Variants in ST8SIA1 observed in about 807,000 individuals in gnomAD.
ST8SIA1 encodes alpha-N-acetylneuraminide alpha-2,8-sialyltransferase.
Under a neutral mutation model 35.9 loss-of-function variants are expected in ST8SIA1, and 16 were observed. The observed-to-expected ratio is 0.45, with a 90% CI of 0.30 to 0.68. The LOEUF (loss-of-function observed/expected upper bound fraction) is 0.68. Ranked by LOEUF, ST8SIA1 falls within the 30% of genes least tolerant of loss-of-function variation. The probability of loss-of-function intolerance (pLI) is 0.09; values close to 1 mark genes in which losing one functional copy is unlikely to be tolerated. For missense variants in ST8SIA1, 383 were observed against 453.6 expected, an observed-to-expected ratio of 0.84 and a Z score of 1.41; for synonymous variants, 170 against 169.6, an observed-to-expected ratio of 1.00 and a Z score of -0.02.
intron 1 of ST8SIA1, among the ~76,000 whole-genome samples, chr12:22,310,852 A>C (rs2287169): frequency 0.61 from 92,337 of 151,936 alleles, 29,220 homozygotes; most frequent in African/African-American, 0.78. Flanking sequence ...CACAAGCTGA[A>C]CAGAAGAGCT....
At chr12:22,215,392 A>G (rs926133826) in intron 4 of ST8SIA1, among the ~76,000 whole-genome samples, 7 of 152,222 alleles carry the variant, frequency 4.6e-5, no homozygotes, top group African/African-American at 1.7e-4. Context: ...GTAGCAATGA[A>G]CAATGCTAAC....
intron 4 of ST8SIA1, among the ~76,000 whole-genome samples, chr12:22,245,221 T>C (rs1865586340): frequency 6.6e-6 from 1 of 152,214 alleles, no homozygotes. Context: ...TAGATTTGGG[T>C]AGACCTGGTG....
intron 2 of ST8SIA1, among the ~76,000 whole-genome samples, chr12:22,272,159 C>A (rs187855077): frequency 6.6e-6 from 1 of 152,224 alleles, no homozygotes; most frequent in African/African-American, 2.4e-5. Flanking sequence ...CTTAAGTGAA[C>A]GTTTTAAGTG....
At chr12:22,316,073 G>A (rs994593192) in intron 1 of ST8SIA1, among the ~76,000 whole-genome samples, 1 of 151,974 alleles carries the variant, frequency 6.6e-6, no homozygotes, top group Non-Finnish European at 1.5e-5. Context: ...AAATATACAA[G>A]TAAATATTCT....
chr12:22,222,929 T>G (rs957895567), intron 4 of ST8SIA1, among the ~76,000 whole-genome samples: 2 of 152,264 alleles, frequency 1.3e-5, no homozygotes, highest in African/African-American at 2.4e-5. Context: ...AACTCATGCC[T>G]GATGTGAAAG....
intron 4 of ST8SIA1, among the ~76,000 whole-genome samples, chr12:22,239,989 G>A (rs1346275599): frequency 6.6e-6 from 1 of 152,014 alleles, no homozygotes; most frequent in Non-Finnish European, 1.5e-5. Flanking sequence ...TGTGGGGAAG[G>A]TGGGCATGCA....
chr12:22,325,643 T>C (rs1866665789), intron 1 of ST8SIA1: 2 of 613,782 alleles, frequency 3.3e-6, no homozygotes. Context: ...CCAGTGGATG[T>C]CTGAAACTTC....
intron 1 of ST8SIA1, among the ~76,000 whole-genome samples, chr12:22,292,054 C>T (rs1866183159): frequency 6.6e-6 from 1 of 151,796 alleles, no homozygotes; most frequent in Non-Finnish European, 1.5e-5. Context: ...AAACATTAGA[C>T]AAAATAACTT....
At chr12:22,280,650 C>T (rs549836611) in intron 2 of ST8SIA1, among the ~76,000 whole-genome samples, 1 of 152,290 alleles carries the variant, frequency 6.6e-6, no homozygotes, top group African/African-American at 2.4e-5. Flanking sequence ...AAAGAAAGGT[C>T]TTAATTTTCA....
At chr12:22,285,877 C>A (rs61469808) in intron 2 of ST8SIA1, among the ~76,000 whole-genome samples, 40,342 of 101,060 alleles carry the variant, frequency 0.4, 5,699 homozygotes, top group Middle Eastern at 0.46. Context: ...CTGTCAAAAA[C>A]AAAAAAAAAA....
chr12:22,210,503 C>A, intron 4 of ST8SIA1, among the ~76,000 whole-genome samples: 1 of 152,140 alleles, frequency 6.6e-6, no homozygotes, highest in East Asian at 1.9e-4. Context: ...CAGACACCAG[C>A]TGGGGGTCCT....
In ST8SIA1 at chr12:22,193,780, A is replaced by AT. The variant is rs1864951428; in HGVS notation, c.*7771dup. On this transcript the variant is annotated 3_prime_UTR_variant, in exon 5 of 5. Coordinates refer to ENST00000396037, the MANE Select transcript of ST8SIA1 (RefSeq NM_003034.4). Reference sequence around the variant, plus strand: ...CAATTCCATATACTCTTCAAAGGTGATTTCAATTTTATAGTTTAATCTAAA... The same window carrying AT: ...CAATTCCATATACTCTTCAAAGGTGATTTTCAATTTTATAGTTTAATCTAAA... 1 of 152,198 alleles carries AT rather than the reference A, an allele frequency of 6.6e-6. No individual in the cohort carries two copies. Among genetic ancestry groups the AT allele is most frequent in the African/African-American group, 2.4e-5 (1 of 41,454 alleles). 9.4% of individuals were successfully genotyped at this position (152,198 alleles called of 1,614,324 possible). A position where few individuals can be genotyped will look rare whatever the true frequency, so the allele number is the denominator to read the frequency against.
intron 2 of ST8SIA1, among the ~76,000 whole-genome samples, chr12:22,264,582 G>A (rs768216954): frequency 8.8e-5 from 13 of 148,334 alleles, no homozygotes; most frequent in African/African-American, 1.3e-4. Flanking sequence ...CTTTGCATAC[G>A]TAAGCATTTT....
Position 22,231,378 on chromosome 12 carries a change from C to CT in ST8SIA1, c.584+17627dup, listed in dbSNP as rs576724914. ...ATTTTATCAAATTAATTAGAATAAG[C>CT]TTTTTTTTTTCTGAGCTGTGAAGAG... On this transcript the variant is annotated intron_variant, in intron 4 of 4. Transcript: ENST00000396037. Among the ~76,000 whole-genome samples, 498 of 147,002 alleles carry CT rather than the reference C, an allele frequency of 3.4e-3. 5 individuals are homozygous for CT. The highest frequency in any genetic ancestry group is 0.018 in the South Asian group (83 of 4,596).
At chr12:22,213,954 AGTGG>A (rs1341140993) in intron 4 of ST8SIA1, among the ~76,000 whole-genome samples, 1 of 152,106 alleles carries the variant, frequency 6.6e-6, no homozygotes, top group Non-Finnish European at 1.5e-5. Flanking sequence ...TAGATGTGAA[AGTGG>A]TTTCAGTTTG....
chr12:22,258,921 T>C (rs1160553296), intron 2 of ST8SIA1, among the ~76,000 whole-genome samples: 2 of 152,184 alleles, frequency 1.3e-5, no homozygotes, highest in East Asian at 1.9e-4. Flanking sequence ...TGTGGAACTA[T>C]GGAATTGGAA....
At chr12:22,239,484 T>C (rs1399663299) in intron 4 of ST8SIA1, among the ~76,000 whole-genome samples, 1 of 152,216 alleles carries the variant, frequency 6.6e-6, no homozygotes, top group Non-Finnish European at 1.5e-5. Context: ...ATTATATTTT[T>C]CATTTCTAAA....
intron 4 of ST8SIA1, among the ~76,000 whole-genome samples, chr12:22,218,826 AT>A (rs1365416716): frequency 1.3e-5 from 2 of 151,508 alleles, no homozygotes; most frequent in Non-Finnish European, 2.9e-5. Context: ...TCTCAAAAAA[AT>A]AAATAAATAA....
intron 4 of ST8SIA1, among the ~76,000 whole-genome samples, chr12:22,234,895 C>A (rs1865459275): frequency 6.6e-6 from 1 of 152,166 alleles, no homozygotes; most frequent in African/African-American, 2.4e-5. Context: ...GTAGCACTTC[C>A]TTTTTCTGCC....
Sources: allele counts gnomAD v4.1 joint callset (sites outside exome capture counted in the v4.1 genomes callset), GRCh38; gene constraint gnomAD v4.1.1; transcripts MANE v1.5; gene names NCBI Gene and HGNC (gene_info 2026-07-23, HGNC 2026-07-21).